Variants in DYSF observed in about 807,000 individuals in gnomAD.
DYSF encodes dysferlin, also known as dystrophy-associated fer-1-like 1.
DYSF carries 212 observed loss-of-function variants against 274.9 expected under a neutral mutation model. That is an observed-to-expected ratio of 0.77 (90% confidence interval 0.69 to 0.86). The LOEUF is 0.86. Among genes scored for constraint, DYSF ranks in the 40% least tolerant of loss-of-function variants. The pLI, the probability that DYSF is intolerant of heterozygous loss-of-function variation, is 0.00. For missense variants in DYSF, 2,666 were observed against 2,783.2 expected (o/e 0.96, Z 0.95); for synonymous variants, 1,091 against 1,078.7 (o/e 1.01, Z -0.22).
intron 27 of DYSF, 36 bp downstream of exon 27, chr2:71,569,970 C>T (rs573345480): frequency 1.3e-6 from 2 of 1,589,416 alleles, no homozygotes; most frequent in South Asian, 1.1e-5. Flanking sequence ...GGGGTCTAGA[C>T]ATTTGGTCTC....
chr2:71,533,558 A>G (rs115191334), intron 14 of DYSF, among the ~76,000 whole-genome samples: 2,514 of 152,344 alleles, frequency 0.017, 38 homozygotes, highest in Admixed American at 0.023. Context: ...AGTTCAAGCC[A>G]TGCTGCAGTG....
rs150963041 is a variant in DYSF at position 71,649,778 on chromosome 2, C to T, written c.4626+5715C>T. Among the ~76,000 whole-genome samples, 954 of 152,294 alleles carry T rather than the reference C, an allele frequency of 6.3e-3. 9 individuals are homozygous for T. Among genetic ancestry groups the T allele is most frequent in the African/African-American group, 0.022 (925 of 41,556 alleles). ...TAAAACCAAGACCAAACATATCTGT[C>T]TTGTCAATACATGTTACATCAGTCA... On this transcript the variant is annotated intron_variant, in intron 42 of 55. Transcript: ENST00000410020.
Position 71,521,757 on chromosome 2 carries a change from C to T in DYSF, c.1149+853C>T, listed in dbSNP as rs193299733. On this transcript the variant is annotated intron_variant, in intron 12 of 55. Coordinates refer to ENST00000410020, the MANE Select transcript of DYSF (RefSeq NM_001130987.2). Reference sequence around the variant, plus strand: ...CTTGGATGAATGTGGGTTTCTACTTCTCCACTTAGCTGGGCCCCGGGTGCT... The same window carrying T: ...CTTGGATGAATGTGGGTTTCTACTTTTCCACTTAGCTGGGCCCCGGGTGCT... Among the ~76,000 whole-genome samples, 109 of 152,238 alleles carry T rather than the reference C, an allele frequency of 7.2e-4. 2 individuals carry two copies. The East Asian group carries it at 0.011, about 16-fold the overall frequency.
At chr2:71,548,053 C>T (rs2090622702) in intron 17 of DYSF, among the ~76,000 whole-genome samples, 1 of 152,220 alleles carries the variant, frequency 6.6e-6, no homozygotes, top group South Asian at 2.1e-4. Flanking sequence ...GAAAACTCCC[C>T]ATGAGCAGAG....
At chr2:71,571,448 GCACA>G (rs768456809) in intron 29 of DYSF, among the ~76,000 whole-genome samples, 1 of 74,028 alleles carries the variant, frequency 1.4e-5, no homozygotes, top group East Asian at 9.1e-4. Flanking sequence ...ATCACACCCA[GCACA>G]CACACAGATC....
intron 38 of DYSF, among the ~76,000 whole-genome samples, chr2:71,611,844 C>A (rs995520080): frequency 2.0e-5 from 3 of 152,220 alleles, no homozygotes; most frequent in Non-Finnish European, 2.9e-5. Flanking sequence ...CCTCCTATAC[C>A]CAAATCCTAG....
At chr2:71,669,025 A>G in intron 49 of DYSF, 87 bp from the exon 50 acceptor site, 2 of 1,339,320 alleles carry the variant, frequency 1.5e-6, no homozygotes, top group South Asian at 1.3e-5. Flanking sequence ...CTCTTGGACC[A>G]GTCTGCTTCT....
At chr2:71,546,304 C>T (rs1258495272) in intron 17 of DYSF, among the ~76,000 whole-genome samples, 1 of 152,266 alleles carries the variant, frequency 6.6e-6, no homozygotes, top group East Asian at 1.9e-4. Context: ...ACTTCTATTT[C>T]CTCACTGCTC....
chr2:71,669,820 C>A, intron 51 of DYSF, 74 bp downstream of exon 51: 1 of 1,599,116 alleles, frequency 6.3e-7, no homozygotes, highest in Non-Finnish European at 8.6e-7. Context: ...CCACCACGTC[C>A]CTGCCTGGCA....
At chr2:71,501,400 A>G (rs2084953901) in intron 3 of DYSF, among the ~76,000 whole-genome samples, 1 of 152,182 alleles carries the variant, frequency 6.6e-6, no homozygotes, top group Admixed American at 6.5e-5. Context: ...CTAGTTTTTA[A>G]TTTTAAGTTT....
intron 12 of DYSF, among the ~76,000 whole-genome samples, chr2:71,521,976 C>T (rs968662379): frequency 1.6e-4 from 24 of 151,780 alleles, no homozygotes; most frequent in African/African-American, 5.6e-4. Flanking sequence ...CCTCAACTTG[C>T]CCCCCATCTT....
At chr2:71,574,832 A>G (rs1311281213) in intron 30 of DYSF, among the ~76,000 whole-genome samples, 1 of 152,178 alleles carries the variant, frequency 6.6e-6, no homozygotes, top group Non-Finnish European at 1.5e-5. Context: ...TTAGAAGCTG[A>G]GCCCCAGGAT....
intron 19 of DYSF, among the ~76,000 whole-genome samples, 177 bp downstream of exon 19, chr2:71,551,897 G>A (rs2090978624): frequency 1.3e-5 from 2 of 152,220 alleles, no homozygotes; most frequent in African/African-American, 4.8e-5. Flanking sequence ...ATCAACACTT[G>A]CCCTGCTTCC....
At chr2:71,553,757 A>ACCCCCCCC in intron 20 of DYSF, 50 bp from the exon 21 acceptor site, 3 of 461,878 alleles carry the variant, frequency 6.5e-6, no homozygotes, top group South Asian at 2.2e-5. Context: ...ACCCCATCCC[A>ACCCCCCCC]CCCGCCCTCC....
At chr2:71,515,485 T>C (rs2086561337) in intron 7 of DYSF, 138 bp from the exon 8 acceptor site, 3 of 1,280,348 alleles carry the variant, frequency 2.3e-6, no homozygotes, top group Non-Finnish European at 3.3e-6. Context: ...TATAATGCTC[T>C]TCCTAATTCC....
intron 41 of DYSF, among the ~76,000 whole-genome samples, chr2:71,624,194 G>C (rs189983239): frequency 6.6e-6 from 1 of 152,218 alleles, no homozygotes; most frequent in East Asian, 1.9e-4. Flanking sequence ...TACCATATTA[G>C]TACAACCCAG....
intron 3 of DYSF, among the ~76,000 whole-genome samples, chr2:71,493,851 CAA>C (rs145288384): frequency 4.6e-4 from 32 of 69,308 alleles, no homozygotes; most frequent in South Asian, 6.9e-4. Context: ...TACTCTGTCT[CAA>C]AAAAAAAAAA....
chr2:71,503,181 A>G (rs2085161945), intron 3 of DYSF, 33 bp from the exon 4 acceptor site: 1 of 1,601,782 alleles, frequency 6.2e-7, no homozygotes, highest in Non-Finnish European at 8.6e-7. Flanking sequence ...GCCTTAGGCT[A>G]GTTTTCTACA....
rs1389024910 is a variant in DYSF at position 71,667,694 on chromosome 2, C to T, written c.5457+179C>T. ...TTGGCCTGGGAGGGGATCTTTAGGTCCTGGCTTCCTCTGGCTGCCTCCATC... is the reference window on the plus strand; with the variant it reads ...TTGGCCTGGGAGGGGATCTTTAGGTTCTGGCTTCCTCTGGCTGCCTCCATC... On this transcript the variant is annotated intron_variant, in intron 48 of 55. Coordinates refer to ENST00000410020, the MANE Select transcript of DYSF (RefSeq NM_001130987.2). 4.6e-5 allele frequency among the ~76,000 whole-genome samples: 7 copies of T among 152,156 alleles called. No individual in the cohort carries two copies. In the East Asian group the frequency reaches 1.4e-3, roughly 29 times the overall value.
Sources: gnomAD v4.1 joint callset for allele counts (sites outside exome capture counted in the v4.1 genomes callset) on GRCh38, gnomAD v4.1.1 for gene constraint, MANE v1.5 for transcripts, NCBI Gene and HGNC (gene_info 2026-07-23, HGNC 2026-07-21) for gene names.